The following SHOC1 variants were observed in gnomAD, a reference collection of about 807,000 sequenced individuals.
SHOC1 encodes shortage in chiasmata 1.
SHOC1 carries 136 observed loss-of-function variants against 179.2 expected under a neutral mutation model. That is an observed-to-expected ratio of 0.76 (90% CI 0.66 to 0.87). The LOEUF is 0.87. SHOC1 is among the 40% of genes least tolerant of loss of function. SHOC1 has a pLI of 0.00. For synonymous variants in SHOC1, 489 were observed against 586.6 expected, an observed-to-expected ratio of 0.83 and a Z score of 2.41; for missense variants, 1,538 against 1,700.8, an observed-to-expected ratio of 0.90 and a Z score of 1.68.
intron 5 of SHOC1, 46 bp from the exon 6 acceptor site, chr9:111,758,894 G>T (rs1835006802): frequency 8.6e-7 from 1 of 1,159,044 alleles, no homozygotes; most frequent in Non-Finnish European, 1.2e-6. Context: ...AAAACAAAAA[G>T]TTATCCAAAG....
Position 111,722,591 on chromosome 9 carries a change from A to G in SHOC1, c.1955-6T>C, listed in dbSNP as rs201912125. 1 of 1,589,452 alleles carries G rather than the reference A, an allele frequency of 6.3e-7. No individual in the cohort carries two copies. The highest frequency in any genetic ancestry group is 8.5e-7 in the Non-Finnish European group (1 of 1,174,580). On this transcript the variant is annotated splice_region_variant and splice_polypyrimidine_tract_variant and intron_variant, in intron 14 of 27. Transcript: ENST00000682961. ...AAATGCTTGGCACTGGCTATCTGCA[A>G]AAATAAAAGCATTAATGGCAGTGTT...
At chr9:111,764,149 T>C (rs1440473640) in intron 5 of SHOC1, among the ~76,000 whole-genome samples, 1 of 152,228 alleles carries the variant, frequency 6.6e-6, no homozygotes, top group Non-Finnish European at 1.5e-5. Flanking sequence ...TTTTGTCCAC[T>C]GTTTCCACAC....
intron 2 of SHOC1, among the ~76,000 whole-genome samples, chr9:111,788,427 T>C (rs1043729669): frequency 3.9e-5 from 6 of 152,132 alleles, no homozygotes; most frequent in Admixed American, 3.3e-4. Context: ...ATAAATTTTA[T>C]ATGCACTGGG....
Position 111,758,779 on chromosome 9 carries a change from A to G in SHOC1, c.512T>C (p.Leu171Pro). The change falls in exon 6 of 28, where the codon CTC becomes CCC. Residue 171 changes from leucine (L) to proline (P), a missense_variant. Physicochemically the swap from Leu to Pro is moderately conservative, Grantham distance 98. Transcript: ENST00000682961. The stretch of plus-strand genomic sequence containing the variant: ...CAAAAACAGTTTTAGTCTACTCAAG[A>G]GAGTAGGCAAAGTTGGTAGGTGTTT... ...SRKHLPTLPT[L>P]LSRLKLFLVK... The G allele has an allele frequency of 1.3e-6, 2 of 1,597,724 alleles. No individual in the cohort carries two copies. The highest frequency in any genetic ancestry group is 1.3e-5 in the African/African-American group (1 of 74,468).
chr9:111,709,851 T>C (rs1832460330), intron 18 of SHOC1, among the ~76,000 whole-genome samples: 1 of 152,202 alleles, frequency 6.6e-6, no homozygotes, highest in Non-Finnish European at 1.5e-5. Flanking sequence ...ATTGCATGCC[T>C]GTATCAAAAC....
intron 13 of SHOC1, among the ~76,000 whole-genome samples, chr9:111,724,597 G>A (rs1225155086): frequency 6.6e-6 from 1 of 151,820 alleles, no homozygotes; most frequent in Admixed American, 6.6e-5. Context: ...TGGGCTCAAG[G>A]GATCTGCCTA....
chr9:111,789,316 GAAAGTTATAA>G (rs1836371480), intron 2 of SHOC1, among the ~76,000 whole-genome samples: 1 of 151,988 alleles, frequency 6.6e-6, no homozygotes, highest in African/African-American at 2.4e-5. Flanking sequence ...TCTAAAAAAT[GAAAGTTATAA>G]AAAGTTTTAT....
intron 5 of SHOC1, among the ~76,000 whole-genome samples, chr9:111,772,870 C>A (rs1220027496): frequency 6.6e-6 from 1 of 152,144 alleles, no homozygotes; most frequent in African/African-American, 2.4e-5. Context: ...ATGATGCTTT[C>A]CACAGGTTAA....
At chr9:111,699,871 T>C in intron 24 of SHOC1, 83 bp downstream of exon 24, 1 of 767,176 alleles carries the variant, frequency 1.3e-6, no homozygotes, top group Non-Finnish European at 2.2e-6. Flanking sequence ...TGCTTAACAC[T>C]TTTTTCTCAT....
intron 12 of SHOC1, among the ~76,000 whole-genome samples, chr9:111,735,934 G>A (rs1035510395): frequency 2.6e-5 from 4 of 152,140 alleles, no homozygotes; most frequent in Non-Finnish European, 4.4e-5. Flanking sequence ...TCCAATCCAC[G>A]TTAATGGGCA....
chr9:111,736,364 G>A (rs1456573880), intron 12 of SHOC1, among the ~76,000 whole-genome samples: 2 of 152,136 alleles, frequency 1.3e-5, no homozygotes, highest in Non-Finnish European at 2.9e-5. Flanking sequence ...TACAAAAAGA[G>A]ATACAAGGAC....
intron 10 of SHOC1, among the ~76,000 whole-genome samples, chr9:111,745,461 A>G (rs557513126): frequency 2.0e-5 from 3 of 152,328 alleles, no homozygotes; most frequent in African/African-American, 7.2e-5. Context: ...CCTAATCCTC[A>G]GTACCTCAGA....
intron 27 of SHOC1, among the ~76,000 whole-genome samples, chr9:111,688,767 C>T (rs1266161535): frequency 6.6e-6 from 1 of 152,016 alleles, no homozygotes; most frequent in Non-Finnish European, 1.5e-5. Context: ...TCATATTCAG[C>T]TTCCATTCTA....
intron 1 of SHOC1, among the ~76,000 whole-genome samples, 157 bp downstream of exon 1, chr9:111,794,743 G>A (rs1294510294): frequency 6.6e-6 from 1 of 152,132 alleles, no homozygotes; most frequent in Non-Finnish European, 1.5e-5. Flanking sequence ...AGTGGGTCTG[G>A]GGTTTTGTCT....
At chr9:111,692,614 A>C in intron 26 of SHOC1, 103 bp from the exon 27 acceptor site, 1 of 756,464 alleles carries the variant, frequency 1.3e-6, no homozygotes, top group Non-Finnish European at 2.1e-6. Context: ...TAGTCTATTC[A>C]TAGATATTAC....
At chr9:111,746,856 T>C (rs1834314708) in intron 9 of SHOC1, among the ~76,000 whole-genome samples, 1 of 152,078 alleles carries the variant, frequency 6.6e-6, no homozygotes, top group African/African-American at 2.4e-5. Flanking sequence ...ATTACAACCG[T>C]GGTGATTTTT....
chr9:111,752,100 G>T (rs897299608), intron 8 of SHOC1, among the ~76,000 whole-genome samples: 12 of 152,146 alleles, frequency 7.9e-5, no homozygotes, highest in African/African-American at 2.7e-4. Flanking sequence ...TTCACTTGAA[G>T]GGATGACATA....
At chr9:111,744,987 A>C (rs1834206414) in intron 10 of SHOC1, among the ~76,000 whole-genome samples, 1 of 152,208 alleles carries the variant, frequency 6.6e-6, no homozygotes, top group Admixed American at 6.5e-5. Context: ...CTACAATTTC[A>C]GACTATTCTG....
At chr9:111,733,425 C>T (rs991722034) in intron 12 of SHOC1, among the ~76,000 whole-genome samples, 5 of 152,130 alleles carry the variant, frequency 3.3e-5, no homozygotes, top group African/African-American at 1.2e-4. Context: ...GGAACTACAG[C>T]GAGCTGGAGA....
Sources: gnomAD v4.1 joint callset for allele counts (sites outside exome capture counted in the v4.1 genomes callset) on GRCh38, gnomAD v4.1.1 for gene constraint, MANE v1.5 for transcripts, NCBI Gene and HGNC (gene_info 2026-07-23, HGNC 2026-07-21) for gene names.